Variants in CCDC88A observed in about 807,000 individuals in gnomAD.
CCDC88A encodes the protein coiled-coil and HOOK domain protein 88A.
A neutral mutation model predicts 234.3 loss-of-function variants in CCDC88A; 54 were observed. That is an observed-to-expected ratio of 0.23 (90% CI 0.19 to 0.29). The LOEUF (loss-of-function observed/expected upper bound fraction) is 0.29, where lower values mean the gene tolerates loss of function less well. Ranked by LOEUF, CCDC88A falls within the 10% of genes least tolerant of loss-of-function variation. CCDC88A has a pLI of 1.00. For synonymous variants in CCDC88A, 753 were observed against 737.8 expected (o/e 1.02, Z -0.33); for missense variants, 1,832 against 2,123.4 (o/e 0.86, Z 2.70).
chr2:55,390,888 C>G (rs1441039434), intron 2 of CCDC88A, among the ~76,000 whole-genome samples: 1 of 152,132 alleles, frequency 6.6e-6, no homozygotes, highest in Non-Finnish European at 1.5e-5. Context: ...GCCTGTAATC[C>G]CAGGACTTTG....
chr2:55,346,152 G>C (rs1014594364), intron 10 of CCDC88A, 23 bp downstream of exon 10: 5 of 1,532,208 alleles, frequency 3.3e-6, no homozygotes, highest in African/African-American at 1.4e-5. Context: ...AAAAAATCAT[G>C]AATGGTTAAT....
chr2:55,343,319 C>A (rs370953454), intron 12 of CCDC88A, among the ~76,000 whole-genome samples: 143 of 152,152 alleles, frequency 9.4e-4, no homozygotes, highest in African/African-American at 3.3e-3. Flanking sequence ...ACCACTAATA[C>A]GACTTTTCTG....
At chr2:55,389,583 C>T (rs1481933004) in intron 2 of CCDC88A, among the ~76,000 whole-genome samples, 1 of 152,176 alleles carries the variant, frequency 6.6e-6, no homozygotes, top group Non-Finnish European at 1.5e-5. Flanking sequence ...CCATTGCATT[C>T]CTAATGCCTT....
At chr2:55,355,511 T>G (rs1670454775) in intron 8 of CCDC88A, 68 bp downstream of exon 8, 1 of 1,347,104 alleles carries the variant, frequency 7.4e-7, no homozygotes, top group Non-Finnish European at 1.1e-6. Flanking sequence ...TCCATAAGCT[T>G]AAAAATATTG....
intron 2 of CCDC88A, chr2:55,418,505 T>C (rs1044020266): frequency 4.4e-5 from 14 of 321,510 alleles, no homozygotes; most frequent in African/African-American, 2.9e-4. Flanking sequence ...CAGATTCTCA[T>C]TTTCTCTCTT....
intron 29 of CCDC88A, among the ~76,000 whole-genome samples, chr2:55,297,346 A>ATAT (rs1680242170): frequency 9.4e-6 from 1 of 105,846 alleles, no homozygotes; most frequent in Non-Finnish European, 1.7e-5. Flanking sequence ...AAATTTATAT[A>ATAT]TTATATATAA....
chr2:55,404,331 T>C (rs1190831180), intron 2 of CCDC88A: 8 of 152,128 alleles, frequency 5.3e-5, no homozygotes, highest in Admixed American at 5.2e-4. Context: ...TTTTAAAAAG[T>C]CCCCACACAG....
chr2:55,294,083 ATAGAT>A (rs1231882356), intron 31 of CCDC88A: 11 of 198,556 alleles, frequency 5.5e-5, no homozygotes, highest in African/African-American at 2.6e-4. Flanking sequence ...TAATTTAATA[ATAGAT>A]TAATTATAGA....
At chr2:55,296,158 T>G in intron 30 of CCDC88A, 100 bp downstream of exon 30, 1 of 1,297,252 alleles carries the variant, frequency 7.7e-7, no homozygotes, top group South Asian at 1.5e-5. Context: ...TACCTCTTAA[T>G]ACTCCTTAAC....
intron 4 of CCDC88A, among the ~76,000 whole-genome samples, chr2:55,374,140 G>A (rs1181352575): frequency 1.3e-5 from 2 of 152,164 alleles, no homozygotes; most frequent in Admixed American, 6.6e-5. Context: ...TTGGGAGGCC[G>A]AGGCGGGCAG....
At chr2:55,416,574 A>G (rs12713296) in intron 2 of CCDC88A, among the ~76,000 whole-genome samples, 41,349 of 140,294 alleles carry the variant, frequency 0.29, 7,008 homozygotes, top group East Asian at 0.58. Flanking sequence ...CACTCATTGA[A>G]TTCCAAGCAC....
intron 3 of CCDC88A, among the ~76,000 whole-genome samples, chr2:55,379,486 A>G (rs1674227427): frequency 6.6e-6 from 1 of 152,248 alleles, no homozygotes. Flanking sequence ...TATTTATTGA[A>G]TATCAATTAT....
Position 55,317,151 on chromosome 2 carries a change from A to G in CCDC88A, c.3746+55T>C, listed in dbSNP as rs1051826862. 1.0e-4 allele frequency: 71 copies of G among 710,942 alleles called. 1 individual carries two copies. The highest frequency in any genetic ancestry group is 1.2e-4 in the Admixed American group (3 of 25,854). 44.0% of individuals were successfully genotyped at this position (710,942 alleles called of 1,614,324 possible). ...TGAAAAAACATATATATACACATATATATGTATATACTTTCTATATAAAAT... is the reference window on the plus strand; with the variant it reads ...TGAAAAAACATATATATACACATATGTATGTATATACTTTCTATATAAAAT... On this transcript the variant is annotated intron_variant, in intron 21 of 32. Coordinates refer to ENST00000436346, the MANE Select transcript of CCDC88A (RefSeq NM_001365480.1). This position sits in a 1 kb window ranked among gnomAD's most constrained non-coding sequence, Gnocchi z 4.2.
intron 15 of CCDC88A, among the ~76,000 whole-genome samples, chr2:55,333,276 A>C (rs1183898582): frequency 1.3e-5 from 2 of 152,222 alleles, no homozygotes; most frequent in Non-Finnish European, 2.9e-5. Flanking sequence ...ATTGAACTTA[A>C]AGGGTTATCA....
chr2:55,319,861 A>C lies in CCDC88A; in HGVS notation c.3163-857T>G, dbSNP rs536796950. The stretch of plus-strand genomic sequence containing the variant: ...CTCCAGAAAACAGAAATAAAACTTT[A>C]ATGTACAAAAGGTCATAATTGGTCT... On this transcript the variant is annotated intron_variant, in intron 18 of 32. Transcript: ENST00000436346. Among the ~76,000 whole-genome samples the C allele has an allele frequency of 1.2e-4, 19 of 152,306 alleles. No individual in the cohort carries two copies. In the South Asian group the frequency reaches 3.9e-3, roughly 32 times the overall value.
chr2:55,360,723 G>A (rs999066236), intron 7 of CCDC88A, among the ~76,000 whole-genome samples: 4 of 152,190 alleles, frequency 2.6e-5, no homozygotes, highest in Non-Finnish European at 2.9e-5. Flanking sequence ...TCACTTAAAT[G>A]GGATCAAACT....
In CCDC88A at chr2:55,346,165, T is replaced by G. The variant is rs771597302; in HGVS notation, c.1041+10A>C. The G allele has an allele frequency of 5.1e-6, 8 of 1,576,294 alleles. No homozygotes were observed. Among genetic ancestry groups the G allele is most frequent in the Non-Finnish European group, 6.9e-6 (8 of 1,159,824 alleles). ...AAAAAAAATCATGAATGGTTAATTATGCAACATACCTCAACTCTTGCCTTA... is the reference window on the plus strand; with the variant it reads ...AAAAAAAATCATGAATGGTTAATTAGGCAACATACCTCAACTCTTGCCTTA... On this transcript the variant is annotated intron_variant, in intron 10 of 32. Transcript: ENST00000436346.
intron 26 of CCDC88A, chr2:55,302,764 GA>G (rs1037830302): frequency 5.4e-6 from 1 of 185,122 alleles, no homozygotes; most frequent in Non-Finnish European, 1.1e-5. Flanking sequence ...ACTTCTTTGG[GA>G]AAAAATCTCT....
intron 17 of CCDC88A, among the ~76,000 whole-genome samples, chr2:55,326,922 C>A (rs1255563959): frequency 6.6e-6 from 1 of 152,144 alleles, no homozygotes; most frequent in African/African-American, 2.4e-5. Context: ...CAACTCACAC[C>A]CAAACCCACT....
Sources: allele counts gnomAD v4.1 joint callset (sites outside exome capture counted in the v4.1 genomes callset), GRCh38; gene constraint gnomAD v4.1.1; non-coding constraint Gnocchi (gnomAD v3.1); transcripts MANE v1.5; gene names NCBI Gene and HGNC (gene_info 2026-07-23, HGNC 2026-07-21).